LRRTM2: variants seen among roughly 807,000 people sequenced by gnomAD.
LRRTM2 encodes leucine-rich repeat transmembrane neuronal protein 2.
A neutral mutation model predicts 40.7 loss-of-function variants in LRRTM2; 14 were observed. The ratio of observed to expected loss-of-function variants is 0.34; its 90% CI spans 0.23 to 0.54. LRRTM2 has a LOEUF of 0.54. Among genes scored for constraint, LRRTM2 ranks in the 20% least tolerant of loss-of-function variants. LRRTM2 has a pLI of 0.92. For synonymous variants in LRRTM2, 223 were observed against 237.6 expected, an observed-to-expected ratio of 0.94 and a Z score of 0.57; for missense variants, 468 against 624.4, an observed-to-expected ratio of 0.75 and a Z score of 2.67.
In LRRTM2 at chr5:138,872,762, T is replaced by C. The variant is rs1345761565; in HGVS notation, c.*248A>G. The stretch of plus-strand genomic sequence containing the variant: ...ATTGTATATAATTACATACATTTCT[T>C]ATTTTGAAGTAAGCATTTTAGACTT... On this transcript the variant is annotated 3_prime_UTR_variant, in exon 2 of 2. Coordinates refer to ENST00000274711, the MANE Select transcript of LRRTM2 (RefSeq NM_015564.3). 7.8e-6 allele frequency: 3 copies of C among 382,824 alleles called. No individual in the cohort carries two copies. Among genetic ancestry groups the C allele is most frequent in the Non-Finnish European group, 1.4e-5 (3 of 214,988 alleles). The allele number at this position is 382,824 out of a possible 1,614,324, so 23.7% of individuals were successfully genotyped here.
Position 138,873,907 on chromosome 5 carries a change from C to T in LRRTM2, c.654G>A (p.Thr218=), listed in dbSNP as rs368521501. ...RELHLEHNQL[T]KINFAHFLRL... is the part of the protein sequence containing the mutation. The stretch of plus-strand genomic sequence containing the variant: ...GTAGGAAATGAGCAAAATTAATCTT[C>T]GTCAGCTGGTTGTGCTCTAGGTGAA... Residue 218 remains threonine (T), a synonymous_variant, in exon 2 of 2, where the codon ACG becomes ACA. Transcript: ENST00000274711. This position sits in a 1 kb window ranked among gnomAD's most constrained non-coding sequence, Gnocchi z 6.1. The T allele has an allele frequency of 8.7e-6, 14 of 1,613,826 alleles. No individual in the cohort carries two copies. The highest frequency in any genetic ancestry group is 1.6e-4 in the Middle Eastern group (1 of 6,084).
chr5:138,872,830 C>A lies in LRRTM2; in HGVS notation c.*180G>T. ...TTAATGTGAGCATTGATTCATTTAA[C>A]ACTTAAAATATGGTTTCATTTAAAA... On this transcript the variant is annotated 3_prime_UTR_variant, in exon 2 of 2. Coordinates refer to ENST00000274711, the MANE Select transcript of LRRTM2 (RefSeq NM_015564.3). The A allele has an allele frequency of 2.0e-6, 1 of 496,210 alleles. No homozygotes were observed. 30.7% of individuals were successfully genotyped at this position (496,210 alleles called of 1,614,324 possible). A position where few individuals can be genotyped will look rare whatever the true frequency, so the allele number is the denominator to read the frequency against.
At position 138,870,266 on chromosome 5, in the gene LRRTM2, C is replaced by T. The variant is rs569676826; in HGVS notation, c.*2744G>A. Reference sequence around the variant, plus strand: ...ATGACTAACAGTCTAATCTTCAAACCTGTGCTGATTCTGAAACACAAATGG... The same window carrying T: ...ATGACTAACAGTCTAATCTTCAAACTTGTGCTGATTCTGAAACACAAATGG... On this transcript the variant is annotated 3_prime_UTR_variant, in exon 2 of 2. Transcript: ENST00000274711. 1.1e-4 allele frequency: 16 copies of T among 152,304 alleles called. No homozygotes were observed. Among genetic ancestry groups the T allele is most frequent in the African/African-American group, 3.4e-4 (14 of 41,568 alleles). 9.4% of individuals were successfully genotyped at this position (152,304 alleles called of 1,614,324 possible). A position where few individuals can be genotyped will look rare whatever the true frequency, so the allele number is the denominator to read the frequency against.
chr5:138,873,585 G>C lies in LRRTM2; in HGVS notation c.976C>G (p.Leu326Val). Residue 326 changes from leucine to valine, a missense_variant, in exon 2 of 2, where the codon CTG becomes GTG. Coordinates refer to ENST00000274711, the MANE Select transcript of LRRTM2 (RefSeq NM_015564.3). This position sits in a 1 kb window ranked among gnomAD's most constrained non-coding sequence, Gnocchi z 6.1. Reference protein sequence around the residue: ...SARICALASWLGSFQGRWEHS... With the variant: ...SARICALASWVGSFQGRWEHS... ...TCCCACCGACCTTGGAAACTGCCCA[G>C]CCAGGAGGCCAGAGCACATATTCGG... 1 of 1,613,984 alleles carries C rather than the reference G, an allele frequency of 6.2e-7. No homozygotes were observed. The highest frequency in any genetic ancestry group is 8.5e-7 in the Non-Finnish European group (1 of 1,179,900).
Position 138,873,095 on chromosome 5 carries a change from G to A in LRRTM2, c.1466C>T (p.Pro489Leu). 6.2e-7 allele frequency: 1 copy of A among 1,613,780 alleles called. No homozygotes were observed. Among genetic ancestry groups the A allele is most frequent in the Non-Finnish European group, 8.5e-7 (1 of 1,179,794 alleles). ...SDQGPYNEYE[P>L]THEGPFIIIN... ...GATGATGAAGGGTCCTTCATGGGTG[G>A]GTTCATATTCATTATACGGTCCTTG... Residue 489 changes from proline (P) to leucine (L), a missense_variant, in exon 2 of 2, where the codon CCC becomes CTC. Coordinates refer to ENST00000274711, the MANE Select transcript of LRRTM2 (RefSeq NM_015564.3). The surrounding 1 kb of genome is among the most constrained non-coding windows in gnomAD (Gnocchi z 6.1).
rs1356254856 is a variant in LRRTM2 at position 138,869,217 on chromosome 5, AAGAGTTGC to A, written c.*3785_*3792del. ...CGCTAAGGACAAAAATGTTAGTTGA[AAGAGTTGC>A]AGAGGTTTCCAAATGTTTGCAATAG... On this transcript the variant is annotated 3_prime_UTR_variant, in exon 2 of 2. Transcript: ENST00000274711. 1.3e-5 allele frequency: 2 copies of A among 151,678 alleles called. No homozygotes were observed. Among genetic ancestry groups the A allele is most frequent in the Non-Finnish European group, 2.9e-5 (2 of 67,950 alleles). The allele number at this position is 151,678 out of a possible 1,614,324, so 9.4% of individuals were successfully genotyped here.
At position 138,875,217 on chromosome 5, in the gene LRRTM2, C is replaced by T. The variant is rs1020673032; in HGVS notation, c.-306G>A. 6 of 310,300 alleles carry T rather than the reference C, an allele frequency of 1.9e-5. No homozygotes were observed. Among genetic ancestry groups the T allele is most frequent in the South Asian group, 7.6e-5 (1 of 13,164 alleles). 19.2% of individuals were successfully genotyped at this position (310,300 alleles called of 1,614,324 possible). ...AAAGCTTCAGTCTCCTTTCCGCAGC[C>T]GTTAGTTCTCTTGGTCTTAACTTGT... On this transcript the variant is annotated 5_prime_UTR_variant, in exon 1 of 2. Coordinates refer to ENST00000274711, the MANE Select transcript of LRRTM2 (RefSeq NM_015564.3).
Position 138,873,270 on chromosome 5 carries a change from A to G in LRRTM2, c.1291T>C (p.Leu431=), listed in dbSNP as rs369875630. ...AAAATAATAAAAAAGAAAGAAAACAATAAAGCCATTGTTCCCGTAATTACC... is the reference window on the plus strand; with the variant it reads ...AAAATAATAAAAAAGAAAGAAAACAGTAAAGCCATTGTTCCCGTAATTACC... ...QRVITGTMAL[L]FSFFFIIFIV... is the part of the protein sequence containing the mutation. Residue 431 remains leucine, a synonymous_variant, in exon 2 of 2, where the codon TTG becomes CTG. Coordinates refer to ENST00000274711, the MANE Select transcript of LRRTM2 (RefSeq NM_015564.3). The surrounding 1 kb of genome is among the most constrained non-coding windows in gnomAD (Gnocchi z 6.1). 4.2e-5 allele frequency: 68 copies of G among 1,613,862 alleles called. No homozygotes were observed. The highest frequency in any genetic ancestry group is 5.4e-5 in the Non-Finnish European group (64 of 1,179,862).
Position 138,873,646 on chromosome 5 carries a change from G to C in LRRTM2, c.915C>G (p.Thr305=), listed in dbSNP as rs776404173. Residue 305 remains threonine (T), a synonymous_variant, in exon 2 of 2, where the codon ACC becomes ACG. Transcript: ENST00000274711. The surrounding 1 kb of genome is among the most constrained non-coding windows in gnomAD (Gnocchi z 6.1). ...CCCACAGATTGCCAGAGAGACCAAC[G>C]GTTGTGAGGGATCTCAGGGAGTTTA... ...KILNSLRSLT[T]VGLSGNLWEC... is the part of the protein sequence containing the mutation. 6.2e-7 allele frequency: 1 copy of C among 1,613,906 alleles called. No individual in the cohort carries two copies. Among genetic ancestry groups the C allele is most frequent in the Non-Finnish European group, 8.5e-7 (1 of 1,179,902 alleles).
chr5:138,875,006 A>G lies in LRRTM2; in HGVS notation c.-95T>C, dbSNP rs531893171. The G allele has an allele frequency of 5.0e-5, 64 of 1,287,210 alleles. No homozygotes were observed. Among genetic ancestry groups the G allele is most frequent in the Non-Finnish European group, 7.0e-5 (63 of 900,632 alleles). 79.7% of individuals were successfully genotyped at this position (1,287,210 alleles called of 1,614,324 possible). ...CTCTAACATGTAGGAGCCTTTGACCAGTTTCCTGTTTTCTGTGTCCCAGGC... is the reference window on the plus strand; with the variant it reads ...CTCTAACATGTAGGAGCCTTTGACCGGTTTCCTGTTTTCTGTGTCCCAGGC... On this transcript the variant is annotated 5_prime_UTR_variant, in exon 1 of 2. Transcript: ENST00000274711.
chr5:138,874,984 T>G lies in LRRTM2; in HGVS notation c.-73A>C. The G allele has an allele frequency of 3.3e-6, 5 of 1,509,678 alleles. No individual in the cohort carries two copies. The highest frequency in any genetic ancestry group is 4.6e-6 in the Non-Finnish European group (5 of 1,090,846). 93.5% of individuals were successfully genotyped at this position (1,509,678 alleles called of 1,614,324 possible). ...AACGCAGTGAGTCTGTAAAAGGCTC[T>G]AACATGTAGGAGCCTTTGACCAGTT... On this transcript the variant is annotated 5_prime_UTR_variant, in exon 1 of 2. Transcript: ENST00000274711. This position sits in a 1 kb window ranked among gnomAD's most constrained non-coding sequence, Gnocchi z 4.1.
chr5:138,874,536 A>G lies in LRRTM2; in HGVS notation c.25T>C (p.Leu9=). MGLHFKWP[L]GAPMLAAIYA... ...ATTGCTGCCAGCATAGGGGCCCCTAATGGCCACTTGAAATGTAAGCCTGCA... is the reference window on the plus strand; with the variant it reads ...ATTGCTGCCAGCATAGGGGCCCCTAGTGGCCACTTGAAATGTAAGCCTGCA... The change falls in exon 2 of 2, where the codon TTA becomes CTA. Residue 9 remains leucine (L), a synonymous_variant. Coordinates refer to ENST00000274711, the MANE Select transcript of LRRTM2 (RefSeq NM_015564.3). This position sits in a 1 kb window ranked among gnomAD's most constrained non-coding sequence, Gnocchi z 4.1. The G allele has an allele frequency of 6.4e-7, 1 of 1,574,768 alleles. No individual in the cohort carries two copies. Among genetic ancestry groups the G allele is most frequent in the Non-Finnish European group, 8.6e-7 (1 of 1,156,682 alleles).
In LRRTM2 at chr5:138,873,142, G is replaced by T; in HGVS notation, c.1419C>A (p.Leu473=). The T allele has an allele frequency of 1.2e-6, 2 of 1,614,012 alleles. No homozygotes were observed. The change falls in exon 2 of 2, where the codon CTC becomes CTA. Residue 473 remains leucine (L), a synonymous_variant. Coordinates refer to ENST00000274711, the MANE Select transcript of LRRTM2 (RefSeq NM_015564.3). The surrounding 1 kb of genome is among the most constrained non-coding windows in gnomAD (Gnocchi z 6.1). ...CTTGGTCTGACATGTTTGACATATG[G>T]AGTCGTGTTTGGGATCGGAGCTGCC... is the stretch of plus-strand genomic sequence containing the variant. The part of the protein sequence containing the change: ...NHRQLRSQTR[L]HMSNMSDQGP...
rs1750739805 is a variant in LRRTM2 at position 138,872,276 on chromosome 5, A to T, written c.*734T>A. 6.6e-6 allele frequency: 1 copy of T among 152,648 alleles called. No homozygotes were observed. The highest frequency in any genetic ancestry group is 2.4e-5 in the African/African-American group (1 of 41,468). 9.5% of individuals were successfully genotyped at this position (152,648 alleles called of 1,614,324 possible). On this transcript the variant is annotated 3_prime_UTR_variant, in exon 2 of 2. Transcript: ENST00000274711. ...ATGTCCATTATAAGTCAAACGAGAA[A>T]TGTATAAGAAGTTGGTGTAATTATT...
Position 138,875,291 on chromosome 5 carries a change from TGAGTGCATTTACTGAAAA to T in LRRTM2, c.-398_-381del. 1 of 566,090 alleles carries T rather than the reference TGAGTGCATTTACTGAAAA, an allele frequency of 1.8e-6. No homozygotes were observed. Among genetic ancestry groups the T allele is most frequent in the Non-Finnish European group, 2.3e-6 (1 of 434,376 alleles). 35.1% of individuals were successfully genotyped at this position (566,090 alleles called of 1,614,324 possible). On this transcript the variant is annotated 5_prime_UTR_variant, in exon 1 of 2. The change abolishes an upstream ATG in the 5' untranslated region. Coordinates refer to ENST00000274711, the MANE Select transcript of LRRTM2 (RefSeq NM_015564.3). ...GCAGAGAAGAGCTCCTGGAGCAGCA[TGAGTGCATTTACTGAAAA>T]GCTTTTCCGAGAAACGGCACAAGAA...
Position 138,873,945 on chromosome 5 carries a change from T to C in LRRTM2, c.616A>G (p.Lys206Glu). ...LARNGFAGLI[K>E]LRELHLEHNQ... The stretch of plus-strand genomic sequence containing the variant: ...TGCTCTAGGTGAAGCTCTCTCAGTT[T>C]AATTAATCCTGCAAATCCATTGCGA... Residue 206 changes from lysine to glutamate, a missense_variant, in exon 2 of 2, where the codon AAA becomes GAA. Transcript: ENST00000274711. This position sits in a 1 kb window ranked among gnomAD's most constrained non-coding sequence, Gnocchi z 6.1. The C allele has an allele frequency of 6.2e-7, 1 of 1,614,036 alleles. No homozygotes were observed. Among genetic ancestry groups the C allele is most frequent in the Non-Finnish European group, 8.5e-7 (1 of 1,179,896 alleles).
chr5:138,874,210 A>C lies in LRRTM2; in HGVS notation c.351T>G (p.Ser117Arg), dbSNP rs766573903. 6.2e-7 allele frequency: 1 copy of C among 1,613,986 alleles called. No individual in the cohort carries two copies. The highest frequency in any genetic ancestry group is 8.5e-7 in the Non-Finnish European group (1 of 1,179,880). Residue 117 changes from serine (S) to arginine (R), a missense_variant, in exon 2 of 2, where the codon AGT becomes AGG. Ser to Arg is a moderately radical substitution (Grantham distance 110). Transcript: ENST00000274711. The surrounding 1 kb of genome is among the most constrained non-coding windows in gnomAD (Gnocchi z 4.1). ...GLYKLKELIL[S>R]SNKIFYLPNT... Reference sequence around the variant, plus strand: ...TTGGCAAGTAAAATATTTTGTTGGAACTTAAGATTAATTCCTTAAGTTTAT... The same window carrying C: ...TTGGCAAGTAAAATATTTTGTTGGACCTTAAGATTAATTCCTTAAGTTTAT...
At position 138,871,838 on chromosome 5, in the gene LRRTM2, A is replaced by G. The variant is rs1032157255; in HGVS notation, c.*1172T>C. On this transcript the variant is annotated 3_prime_UTR_variant, in exon 2 of 2. Coordinates refer to ENST00000274711, the MANE Select transcript of LRRTM2 (RefSeq NM_015564.3). Reference sequence around the variant, plus strand: ...TTGAAAGATCGAAATGTATTATATAATAGTTGGAAAGTGTTTTTTTTCATG... The same window carrying G: ...TTGAAAGATCGAAATGTATTATATAGTAGTTGGAAAGTGTTTTTTTTCATG... The G allele has an allele frequency of 6.6e-6, 1 of 151,992 alleles. No individual in the cohort carries two copies. The highest frequency in any genetic ancestry group is 1.5e-5 in the Non-Finnish European group (1 of 67,928). The allele number at this position is 151,992 out of a possible 1,614,324, so 9.4% of individuals were successfully genotyped here.
At position 138,873,561 on chromosome 5, in the gene LRRTM2, C is replaced by G; in HGVS notation, c.1000G>C (p.Glu334Gln). The G allele has an allele frequency of 6.2e-7, 1 of 1,613,930 alleles. No homozygotes were observed. The highest frequency in any genetic ancestry group is 8.5e-7 in the Non-Finnish European group (1 of 1,179,896). Residue 334 changes from glutamate to glutamine, a missense_variant, in exon 2 of 2, where the codon GAA becomes CAA. Physicochemically the swap from Glu to Gln is conservative, Grantham distance 29. Transcript: ENST00000274711. This position sits in a 1 kb window ranked among gnomAD's most constrained non-coding sequence, Gnocchi z 6.1. Reference sequence around the variant, plus strand: ...GGACTGTGGCATAGGATGGAGTGTTCCCACCGACCTTGGAAACTGCCCAGC... The same window carrying G: ...GGACTGTGGCATAGGATGGAGTGTTGCCACCGACCTTGGAAACTGCCCAGC... ...SWLGSFQGRWEHSILCHSPDH... is the reference protein window; with the variant it reads ...SWLGSFQGRWQHSILCHSPDH...
Sources: allele counts gnomAD v4.1 joint callset, GRCh38; gene constraint gnomAD v4.1.1; non-coding constraint Gnocchi (gnomAD v3.1); transcripts MANE v1.5; gene names NCBI Gene and HGNC (gene_info 2026-07-23, HGNC 2026-07-21).